Variants in TUBGCP2 observed in about 807,000 individuals in gnomAD.
TUBGCP2 encodes the protein tubulin gamma complex component 2.
Under a neutral mutation model 92.2 loss-of-function variants are expected in TUBGCP2, and 55 were observed. That is an observed-to-expected ratio of 0.60 (90% CI 0.48 to 0.75). TUBGCP2 has a LOEUF of 0.75. TUBGCP2 is among the 30% of genes least tolerant of loss of function. TUBGCP2 has a pLI of 0.00. For synonymous variants in TUBGCP2, 533 were observed against 505.2 expected, an observed-to-expected ratio of 1.06 and a Z score of -0.74; for missense variants, 1,093 against 1,188.9, an observed-to-expected ratio of 0.92 and a Z score of 1.19.
chr10:133,303,626 C>T (rs564284620), intron 1 of TUBGCP2, among the ~76,000 whole-genome samples: 5 of 152,364 alleles, frequency 3.3e-5, no homozygotes, highest in East Asian at 3.9e-4. Context: ...CAGCTTCTAC[C>T]GGAGAGGCCC....
In TUBGCP2 at chr10:133,290,026, G is replaced by T. The variant is rs541715594; in HGVS notation, c.1215-57C>A. 8.8e-6 allele frequency: 14 copies of T among 1,595,006 alleles called. No homozygotes were observed. In the African/African-American group the frequency reaches 1.9e-4, roughly 21 times the overall value. ...CAAAGCAAGGGCGCCTGAGGCAGGC[G>T]ACACTTCTCCAGGCCGGCAGCGCGC... On this transcript the variant is annotated intron_variant, in intron 8 of 17. Transcript: ENST00000252936.
At chr10:133,309,774 AGGGTG>A (rs774876505), upstream of TUBGCP2, 1 of 1,612,632 alleles carries the variant, frequency 6.2e-7, no homozygotes, top group South Asian at 1.1e-5. Context: ...TCTCCTTGGC[AGGGTG>A]CCCGCGTTTG....
chr10:133,293,897 G>A, intron 5 of TUBGCP2, 128 bp from the exon 6 acceptor site: 1 of 982,144 alleles, frequency 1.0e-6, no homozygotes, highest in East Asian at 2.6e-5. Context: ...GTCAGCCACT[G>A]CACTTGGCTT....
intron 1 of TUBGCP2, among the ~76,000 whole-genome samples, chr10:133,303,978 C>T (rs1401061171): frequency 2.0e-5 from 3 of 152,352 alleles, no homozygotes; most frequent in East Asian, 3.9e-4. Flanking sequence ...GCCGCCCCTA[C>T]TCTCCCACCA....
intron 17 of TUBGCP2, 28 bp downstream of exon 17, chr10:133,281,245 G>T: frequency 6.2e-7 from 1 of 1,603,668 alleles, no homozygotes. Flanking sequence ...AGCTGAGGAA[G>T]GGCTGAGCCG....
chr10:133,282,459 G>T, intron 15 of TUBGCP2, 117 bp from the exon 16 acceptor site: 5 of 1,371,228 alleles, frequency 3.6e-6, no homozygotes, highest in Non-Finnish European at 4.8e-6. Context: ...CCTGCGGCTG[G>T]GGGTACACAA....
At chr10:133,281,155 G>A (rs1450089011) in intron 17 of TUBGCP2, 118 bp downstream of exon 17, 4 of 582,706 alleles carry the variant, frequency 6.9e-6, no homozygotes, top group African/African-American at 2.4e-5. Context: ...CCAGGGCGGT[G>A]TTGGGCAGGG....
chr10:133,289,983 G>C lies in TUBGCP2; in HGVS notation c.1215-14C>G, dbSNP rs765801428. 2 of 1,609,312 alleles carry C rather than the reference G, an allele frequency of 1.2e-6. No individual in the cohort carries two copies. Among genetic ancestry groups the C allele is most frequent in the South Asian group, 2.2e-5 (2 of 91,034 alleles). ...ACCATAAACTCACTAAAACCACAGGGAGCGCTTCGGTCACAGGCAAAGCAA... is the reference window on the plus strand; with the variant it reads ...ACCATAAACTCACTAAAACCACAGGCAGCGCTTCGGTCACAGGCAAAGCAA... On this transcript the variant is annotated splice_polypyrimidine_tract_variant and intron_variant, in intron 8 of 17. Transcript: ENST00000252936.
upstream of TUBGCP2, chr10:133,309,271 T>C (rs1847926745): frequency 1.5e-6 from 2 of 1,374,526 alleles, no homozygotes; most frequent in Admixed American, 2.2e-5. Context: ...GGGCGGGGCC[T>C]GAGGCTGTGG....
chr10:133,308,635 A>G (rs1347829001), intron 1 of TUBGCP2, 188 bp downstream of exon 1: 1 of 194,064 alleles, frequency 5.2e-6, no homozygotes, highest in East Asian at 1.2e-4. Context: ...GCCGCGGGGC[A>G]AGACGCTGGC....
chr10:133,292,698 G>A lies in TUBGCP2; in HGVS notation c.1025-10C>T. On this transcript the variant is annotated splice_polypyrimidine_tract_variant and intron_variant, in intron 7 of 17. Transcript: ENST00000252936. ...TTGTCCACCGAGGTGGCTGTGGGGAGAAAGGAGGGCTCACTGCTGAGAAGG... is the reference window on the plus strand; with the variant it reads ...TTGTCCACCGAGGTGGCTGTGGGGAAAAAGGAGGGCTCACTGCTGAGAAGG... 1.2e-6 allele frequency: 2 copies of A among 1,610,638 alleles called. No homozygotes were observed. The highest frequency in any genetic ancestry group is 1.3e-5 in the African/African-American group (1 of 74,988).
intron 17 of TUBGCP2, 50 bp from the exon 18 acceptor site, chr10:133,279,951 A>G (rs565577585): frequency 2.5e-6 from 4 of 1,581,138 alleles, no homozygotes; most frequent in Admixed American, 1.9e-5. Flanking sequence ...CTGCGGGTGC[A>G]TGCTGGGCAG....
rs543745773 is a variant in TUBGCP2, at chr10:133,282,296, G to A, written c.2336C>T (p.Thr779Met). 25 of 1,606,642 alleles carry A rather than the reference G, an allele frequency of 1.6e-5. No homozygotes were observed. Among genetic ancestry groups the A allele is most frequent in the Admixed American group, 1.2e-4 (7 of 59,456 alleles). Residue 779 changes from threonine (T) to methionine (M), a missense_variant, in exon 16 of 18, where the codon ACG (threonine) becomes ATG (methionine). Thr to Met is a moderately conservative substitution (Grantham distance 81). Coordinates refer to ENST00000252936, the MANE Select transcript of TUBGCP2 (RefSeq NM_006659.4). Reference protein sequence around the residue: ...MKLDGELGGQTLEHSTVLGLP... With the variant: ...MKLDGELGGQMLEHSTVLGLP... The stretch of plus-strand genomic sequence containing the variant: ...CCCCAGGACGGTGCTGTGCTCCAGC[G>A]TCTGCCCGCCCAGCTCGCCATCTAA...
At chr10:133,279,948 T>C in intron 17 of TUBGCP2, 47 bp from the exon 18 acceptor site, 1 of 1,590,712 alleles carries the variant, frequency 6.3e-7, no homozygotes, top group Non-Finnish European at 8.5e-7. Flanking sequence ...CTTCTGCGGG[T>C]GCATGCTGGG....
chr10:133,294,344 G>A (rs997202313), intron 5 of TUBGCP2, among the ~76,000 whole-genome samples: 1 of 152,224 alleles, frequency 6.6e-6, no homozygotes, highest in Non-Finnish European at 1.5e-5. Context: ...GGGGCCGGGA[G>A]GAGCACCAGA....
At chr10:133,295,675 A>T (rs1456658953) in intron 5 of TUBGCP2, 1 of 152,896 alleles carries the variant, frequency 6.5e-6, no homozygotes, top group Non-Finnish European at 1.5e-5. Flanking sequence ...GGCCAGGTGG[A>T]TGCCCACACG....
chr10:133,294,673 T>C (rs1349871418), intron 5 of TUBGCP2, among the ~76,000 whole-genome samples: 1 of 151,948 alleles, frequency 6.6e-6, no homozygotes, highest in Non-Finnish European at 1.5e-5. Context: ...TGGAGGGCAG[T>C]GGTGCAATCT....
upstream of TUBGCP2, chr10:133,310,129 G>A: frequency 1.2e-6 from 2 of 1,612,918 alleles, no homozygotes; most frequent in Non-Finnish European, 1.7e-6. Flanking sequence ...GGGAGGGCCA[G>A]GGGTCAGAGG....
At chr10:133,309,074 C>T, upstream of TUBGCP2, 1 of 1,301,854 alleles carries the variant, frequency 7.7e-7, no homozygotes, top group Non-Finnish European at 9.8e-7. Flanking sequence ...GTGCGCTTCC[C>T]GCGGGAGCAC....
Sources: allele counts gnomAD v4.1 joint callset (sites outside exome capture counted in the v4.1 genomes callset), GRCh38; gene constraint gnomAD v4.1.1; transcripts MANE v1.5; gene names NCBI Gene and HGNC (gene_info 2026-07-23, HGNC 2026-07-21).